Variants in GAL3ST2 observed in about 807,000 individuals in gnomAD.
GAL3ST2 encodes beta-galactose-3-O-sulfotransferase 2.
GAL3ST2 carries 16 observed loss-of-function variants against 12.9 expected under a neutral mutation model. The ratio of observed to expected loss-of-function variants is 1.24; its 90% CI spans 0.84 to 1.88. GAL3ST2 has a LOEUF of 1.88. Among genes scored for constraint, GAL3ST2 ranks in the 40% most tolerant of loss-of-function variants. The probability of loss-of-function intolerance (pLI) is 0.00; values close to 1 mark genes in which losing one functional copy is unlikely to be tolerated. For synonymous variants in GAL3ST2, 302 were observed against 273.9 expected (o/e 1.10, Z -1.01); for missense variants, 639 against 571.8 (o/e 1.12, Z -1.20).
rs1272549783 is a variant in GAL3ST2, at chr2:241,802,080, C to A, written c.375+44C>A. ...GGAGGAGGGCGGGCTGCAGCCGTGCCTGTGGCTGTGGGTCTGGGTGGTGTA... is the reference window on the plus strand; with the variant it reads ...GGAGGAGGGCGGGCTGCAGCCGTGCATGTGGCTGTGGGTCTGGGTGGTGTA... On this transcript the variant is annotated intron_variant, in intron 3 of 3. Transcript: ENST00000192314. This position sits in a 1 kb window ranked among gnomAD's most constrained non-coding sequence, Gnocchi z 4.8. 1.9e-6 allele frequency: 3 copies of A among 1,557,946 alleles called. No individual in the cohort carries two copies. The highest frequency in any genetic ancestry group is 2.6e-6 in the Non-Finnish European group (3 of 1,151,128).
intron 1 of GAL3ST2, among the ~76,000 whole-genome samples, chr2:241,785,510 C>T (rs1465045141): frequency 4.7e-5 from 7 of 149,854 alleles, no homozygotes; most frequent in African/African-American, 1.5e-4. Context: ...TGAGATTGCA[C>T]CACTGCACTC....
At chr2:241,784,035 CTTTT>C (rs1194688922) in intron 1 of GAL3ST2, among the ~76,000 whole-genome samples, 1 of 139,658 alleles carries the variant, frequency 7.2e-6, no homozygotes. Flanking sequence ...TTAATGTCTT[CTTTT>C]TTTTTTTTTT....
In GAL3ST2 at chr2:241,801,904, C is replaced by T. The variant is rs765418616; in HGVS notation, c.243C>T (p.Ser81=). The T allele has an allele frequency of 6.2e-6, 10 of 1,612,886 alleles. No homozygotes were observed. Among genetic ancestry groups the T allele is most frequent in the African/African-American group, 1.3e-5 (1 of 74,928 alleles). ...GCTTCGCCGAGACCCACAACCTGTC[C>T]GTGGCGCTGCCCGCCGGCTCACGCG... ...LYRFAETHNL[S]VALPAGSRVH... The change falls in exon 3 of 4, where the codon TCC becomes TCT. Residue 81 remains serine (S), a synonymous_variant. Transcript: ENST00000192314. The surrounding 1 kb of genome is among the most constrained non-coding windows in gnomAD (Gnocchi z 4.4).
chr2:241,779,214 ATTTTTTTTTTTTTTTTTTT>A (rs56979777), intron 1 of GAL3ST2, among the ~76,000 whole-genome samples: 17 of 54,546 alleles, frequency 3.1e-4, no homozygotes, highest in Non-Finnish European at 3.6e-4. Flanking sequence ...AGGAAAGCTC[ATTTTTTTTTTTTTTTTTTT>A]TTTTTTTTTT....
chr2:241,787,654 A>G (rs927227742), intron 1 of GAL3ST2, among the ~76,000 whole-genome samples: 2 of 151,802 alleles, frequency 1.3e-5, no homozygotes, highest in African/African-American at 2.4e-5. Flanking sequence ...CTCACTTCCA[A>G]CAGAGAAGAT....
intron 1 of GAL3ST2, among the ~76,000 whole-genome samples, chr2:241,780,086 A>G (rs1220311185): frequency 6.6e-6 from 1 of 152,244 alleles, no homozygotes; most frequent in Non-Finnish European, 1.5e-5. Flanking sequence ...AAATGGGAAA[A>G]AAAGAAAAAA....
chr2:241,777,448 C>T (rs537094262), intron 1 of GAL3ST2, among the ~76,000 whole-genome samples: 16 of 152,252 alleles, frequency 1.1e-4, no homozygotes, highest in African/African-American at 2.9e-4. Flanking sequence ...GGAGGCTGGG[C>T]TCTGCTGTGC....
intron 1 of GAL3ST2, among the ~76,000 whole-genome samples, chr2:241,790,967 C>T (rs1222219978): frequency 6.6e-6 from 1 of 152,256 alleles, no homozygotes; most frequent in East Asian, 1.9e-4. Flanking sequence ...AACCAATTGT[C>T]ATCCAGAAAA....
intron 1 of GAL3ST2, among the ~76,000 whole-genome samples, chr2:241,779,709 G>A (rs1213809066): frequency 1.3e-5 from 2 of 151,762 alleles, no homozygotes; most frequent in African/African-American, 2.4e-5. Context: ...TATGTGGCCG[G>A]GCGCGGTGGC....
chr2:241,791,266 CTATTTG>C (rs1301956760), intron 1 of GAL3ST2, among the ~76,000 whole-genome samples: 2 of 152,154 alleles, frequency 1.3e-5, no homozygotes, highest in African/African-American at 4.8e-5. Context: ...AATTTGGAAA[CTATTTG>C]TGAGTATTTT....
At chr2:241,791,514 C>G (rs1699693618) in intron 1 of GAL3ST2, among the ~76,000 whole-genome samples, 1 of 152,144 alleles carries the variant, frequency 6.6e-6, no homozygotes, top group African/African-American at 2.4e-5. Context: ...TGACCTGTGG[C>G]AAGAAAAGAA....
At chr2:241,792,836 G>GC (rs1276744905) in intron 1 of GAL3ST2, among the ~76,000 whole-genome samples, 2 of 152,146 alleles carry the variant, frequency 1.3e-5, no homozygotes, top group South Asian at 2.1e-4. Context: ...GGGCAAACCT[G>GC]CCCCCCATTG....
chr2:241,782,836 C>A (rs971365799), intron 1 of GAL3ST2, among the ~76,000 whole-genome samples: 1 of 152,042 alleles, frequency 6.6e-6, no homozygotes, highest in African/African-American at 2.4e-5. Flanking sequence ...ATGGAATAAC[C>A]TTAATTTAAA....
In GAL3ST2 at chr2:241,793,506, G is replaced by T. The variant is rs939241087; in HGVS notation, c.30-5559G>T. Among the ~76,000 whole-genome samples the T allele has an allele frequency of 6.6e-6, 1 of 151,524 alleles. No homozygotes were observed. Among genetic ancestry groups the T allele is most frequent in the African/African-American group, 2.4e-5 (1 of 40,928 alleles). The stretch of plus-strand genomic sequence containing the variant: ...TTATATGTACATATTGTGTATGTGT[G>T]TGTATATGTATGTGTGTATTGTGTT... On this transcript the variant is annotated intron_variant, in intron 1 of 3. Coordinates refer to ENST00000192314, the MANE Select transcript of GAL3ST2 (RefSeq NM_022134.3). This position sits in a 1 kb window ranked among gnomAD's most constrained non-coding sequence, Gnocchi z 4.7.
In GAL3ST2 at chr2:241,801,732, T is replaced by A; in HGVS notation, c.120-49T>A. 1.3e-6 allele frequency: 2 copies of A among 1,577,584 alleles called. No homozygotes were observed. Among genetic ancestry groups the A allele is most frequent in the South Asian group, 2.3e-5 (2 of 86,988 alleles). On this transcript the variant is annotated intron_variant, in intron 2 of 3. Transcript: ENST00000192314. The surrounding 1 kb of genome is among the most constrained non-coding windows in gnomAD (Gnocchi z 4.4). ...GCTGGGGGTCGCTGTTGGGCGGGGG[T>A]TGGGGCATCTGCACCCTTGCTGAAG...
intron 1 of GAL3ST2, among the ~76,000 whole-genome samples, chr2:241,794,845 AT>A (rs1699750843): frequency 6.6e-6 from 1 of 152,180 alleles, no homozygotes. Flanking sequence ...ATTTTTGGCA[AT>A]ATTTCATTTT....
chr2:241,779,946 ATTGCACTCCAGCC>A (rs2125188585), intron 1 of GAL3ST2, among the ~76,000 whole-genome samples: 1 of 151,880 alleles, frequency 6.6e-6, no homozygotes, highest in Non-Finnish European at 1.5e-5. Flanking sequence ...AGATCGTGCC[ATTGCACTCCAGCC>A]TGGGCAACAA....
rs1012638602 is a variant in GAL3ST2, at chr2:241,803,463, C to G, written c.494C>G (p.Pro165Arg). 1 of 1,611,658 alleles carries G rather than the reference C, an allele frequency of 6.2e-7. No individual in the cohort carries two copies. The highest frequency in any genetic ancestry group is 8.5e-7 in the Non-Finnish European group (1 of 1,179,386). The change falls in exon 4 of 4, where the codon CCG (proline) becomes CGG (arginine). Residue 165 changes from proline to arginine, a missense_variant. Pro to Arg is a moderately radical substitution (Grantham distance 103). Transcript: ENST00000192314. ...TACGCCCCCGCCTTCCGGGGCGCCCCGAGCCTGGACGCGTTCCTGGCCTCG... is the reference window on the plus strand; with the variant it reads ...TACGCCCCCGCCTTCCGGGGCGCCCGGAGCCTGGACGCGTTCCTGGCCTCG... ...KTYAPAFRGA[P>R]SLDAFLASPR...
rs1699730009 is a variant in GAL3ST2 at position 241,793,589 on chromosome 2, GTATATGTGTA to G, written c.30-5472_30-5463del. Among the ~76,000 whole-genome samples, 1 of 147,364 alleles carries G rather than the reference GTATATGTGTA, an allele frequency of 6.8e-6. No individual in the cohort carries two copies. Among genetic ancestry groups the G allele is most frequent in the South Asian group, 2.2e-4 (1 of 4,476 alleles). On this transcript the variant is annotated intron_variant, in intron 1 of 3. Coordinates refer to ENST00000192314, the MANE Select transcript of GAL3ST2 (RefSeq NM_022134.3). This position sits in a 1 kb window ranked among gnomAD's most constrained non-coding sequence, Gnocchi z 4.7. ...TATGTGTGCGTATATGTGTATGTAT[GTATATGTGTA>G]TATGTGTGTGTATTGTGTGTGTACA...
Sources: gnomAD v4.1 joint callset for allele counts (sites outside exome capture counted in the v4.1 genomes callset) on GRCh38, gnomAD v4.1.1 for gene constraint, Gnocchi (gnomAD v3.1) non-coding constraint, MANE v1.5 for transcripts, NCBI Gene and HGNC (gene_info 2026-07-23, HGNC 2026-07-21) for gene names.